Variants in ZNF469 observed in about 807,000 individuals in gnomAD.
The protein encoded by ZNF469 is zinc finger protein 469.
ZNF469 carries 1 observed loss-of-function variant against 1.0 expected under a neutral mutation model. The observed-to-expected ratio is 1.00, with a 90% CI of 0.35 to 4.73. The LOEUF (loss-of-function observed/expected upper bound fraction) is 4.73, where lower values mean the gene tolerates loss of function less well. Ranked by LOEUF, ZNF469 falls within the 30% of genes most tolerant of loss-of-function variation. The probability of loss-of-function intolerance (pLI) is 0.16; values close to 1 mark genes in which losing one functional copy is unlikely to be tolerated. For missense variants in ZNF469, 6,100 were observed against 5,356.3 expected, an observed-to-expected ratio of 1.14 and a Z score of -4.33; for synonymous variants, 2,703 against 2,363.4, an observed-to-expected ratio of 1.14 and a Z score of -4.17.
chr16:88,110,073 C>G, the ZNF469 span, among the ~76,000 whole-genome samples: 7 of 152,212 alleles, frequency 4.6e-5, no homozygotes, highest in Admixed American at 4.6e-4. Context: ...TCCTTTTTCC[C>G]TCACTCCTCA....
the ZNF469 span, among the ~76,000 whole-genome samples, chr16:88,132,549 T>A: frequency 5.3e-5 from 8 of 152,084 alleles, no homozygotes; most frequent in East Asian, 1.5e-3. Context: ...CAACCCGGGG[T>A]CTTGGAGACA....
Position 88,399,779 on chromosome 16 carries a change from C to T in ZNF469, c.-192+16525C>T, listed in dbSNP as rs1305762684. On this transcript the variant is annotated intron_variant, in intron 1 of 2. Coordinates refer to ENST00000565624, the MANE Select transcript of ZNF469 (RefSeq NM_001367624.2). ...GCTGTGGATGGAGCTCCCAGTCCTT[C>T]CTTCTCACCCAACGCCCAATCTCGC... 4.6e-5 allele frequency among the ~76,000 whole-genome samples: 7 copies of T among 152,374 alleles called. No homozygotes were observed. In the Middle Eastern group the frequency reaches 0.01, roughly 222 times the overall value.
chr16:88,239,667 GTA>G, the ZNF469 span, among the ~76,000 whole-genome samples: 59 of 28,218 alleles, frequency 2.1e-3, no homozygotes, highest in Non-Finnish European at 3.3e-3. Flanking sequence ...TTTTTTTTTT[GTA>G]TATATATATA....
intron 1 of ZNF469, among the ~76,000 whole-genome samples, chr16:88,395,279 ATGGATGGG>A (rs1904625262): frequency 2.1e-5 from 2 of 96,948 alleles, no homozygotes; most frequent in Admixed American, 1.2e-4. Flanking sequence ...GGATGGATGG[ATGGATGGG>A]TGGATGGATT....
At chr16:88,255,225 C>T in the ZNF469 span, among the ~76,000 whole-genome samples, 3 of 152,134 alleles carry the variant, frequency 2.0e-5, no homozygotes, top group African/African-American at 7.2e-5. Context: ...GTTGCAGGGT[C>T]CTCTCATTCA....
the ZNF469 span, among the ~76,000 whole-genome samples, chr16:88,263,396 C>T: frequency 6.6e-6 from 1 of 152,226 alleles, no homozygotes; most frequent in African/African-American, 2.4e-5. Context: ...AACGCCCGCT[C>T]CCTGTGTCTG....
chr16:88,348,393 G>A, the ZNF469 span, among the ~76,000 whole-genome samples: 1 of 152,142 alleles, frequency 6.6e-6, no homozygotes, highest in Non-Finnish European at 1.5e-5. Flanking sequence ...ACTCCTGTGC[G>A]AACCCAGCTC....
the ZNF469 span, among the ~76,000 whole-genome samples, chr16:88,272,557 T>C: frequency 6.6e-6 from 1 of 151,292 alleles, no homozygotes; most frequent in African/African-American, 2.4e-5. Context: ...CAGGTGGGTG[T>C]ATGGAGAGAT....
chr16:88,355,770 A>T, the ZNF469 span, among the ~76,000 whole-genome samples: 1 of 152,170 alleles, frequency 6.6e-6, no homozygotes, highest in Non-Finnish European at 1.5e-5. Flanking sequence ...GCTCTGCAGA[A>T]CTGTGAGCGG....
the ZNF469 span, among the ~76,000 whole-genome samples, chr16:88,197,024 C>T: frequency 2.6e-5 from 4 of 152,186 alleles, no homozygotes; most frequent in Admixed American, 6.5e-5. Flanking sequence ...TCTTGTTCAG[C>T]GGCTGGAATT....
the ZNF469 span, among the ~76,000 whole-genome samples, chr16:88,324,102 C>T: frequency 2.0e-5 from 3 of 152,230 alleles, no homozygotes; most frequent in Non-Finnish European, 2.9e-5. Context: ...AATGGCACAC[C>T]ACATGGCTGG....
At chr16:88,403,221 C>T (rs571782929) in intron 1 of ZNF469, among the ~76,000 whole-genome samples, 1 of 152,352 alleles carries the variant, frequency 6.6e-6, no homozygotes, top group East Asian at 1.9e-4. Context: ...CGCAGGGTGG[C>T]CATGCATCCT....
chr16:88,339,760 G>A, the ZNF469 span, among the ~76,000 whole-genome samples: 1 of 106,306 alleles, frequency 9.4e-6, no homozygotes, highest in Admixed American at 9.4e-5. Context: ...GGACAGACTG[G>A]CAGGGGGACG....
the ZNF469 span, chr16:88,100,936 G>A: frequency 2.8e-4 from 81 of 287,546 alleles, 1 homozygote; most frequent in South Asian, 1.9e-3. Context: ...CAGCCAGTGC[G>A]CAGAGACGCA....
rs1369511801 is a variant in ZNF469 at position 88,429,510 on chromosome 16, T to G, written c.2040T>G (p.Gly680=). The G allele has an allele frequency of 6.7e-7, 1 of 1,492,136 alleles. No homozygotes were observed. Among genetic ancestry groups the G allele is most frequent in the Non-Finnish European group, 9.0e-7 (1 of 1,114,702 alleles). The allele number at this position is 1,492,136 out of a possible 1,614,324, so 92.4% of individuals were successfully genotyped here. The change falls in exon 3 of 3, where the codon GGT becomes GGG. Residue 680 remains glycine (G), a synonymous_variant. Coordinates refer to ENST00000565624, the MANE Select transcript of ZNF469 (RefSeq NM_001367624.2). ...CCGCAGATGGGCTGGGAGCCGAGGG[T>G]GCCTTCCAGTGCCTGGAGGAGACCC... ...PFPADGLGAE[G]AFQCLEETPF...
chr16:88,202,484 GTGCGCCCCTGAGGTGTC>G, the ZNF469 span, among the ~76,000 whole-genome samples: 2 of 152,126 alleles, frequency 1.3e-5, no homozygotes, highest in Non-Finnish European at 2.9e-5. Context: ...CACCTCTCAG[GTGCGCCCCTGAGGTGTC>G]TGCGGCACCT....
chr16:88,151,471 G>A, the ZNF469 span, among the ~76,000 whole-genome samples: 14 of 152,228 alleles, frequency 9.2e-5, no homozygotes, highest in Non-Finnish European at 1.3e-4. The surrounding 1 kb of genome is among the most constrained non-coding windows in gnomAD (Gnocchi z 5.4). Flanking sequence ...AACCAATTTC[G>A]CTTTGCGGTG....
At chr16:88,404,182 C>A (rs2062548) in intron 1 of ZNF469, among the ~76,000 whole-genome samples, 1 of 151,980 alleles carries the variant, frequency 6.6e-6, no homozygotes, top group African/African-American at 2.4e-5. Context: ...CAGCCCCACA[C>A]CCCCGGCACC....
At chr16:88,105,244 G>C in the ZNF469 span, among the ~76,000 whole-genome samples, 1 of 151,576 alleles carries the variant, frequency 6.6e-6, no homozygotes, top group Non-Finnish European at 1.5e-5. Context: ...GAGGAGTTTT[G>C]ATCCTCAACA....
Sources: allele counts gnomAD v4.1 joint callset (sites outside exome capture counted in the v4.1 genomes callset), GRCh38; gene constraint gnomAD v4.1.1; non-coding constraint Gnocchi (gnomAD v3.1); transcripts MANE v1.5; gene names NCBI Gene and HGNC (gene_info 2026-07-23, HGNC 2026-07-21).